The following LINGO2 variants were observed in gnomAD, a reference collection of about 807,000 sequenced individuals.
LINGO2 encodes the protein leucine rich repeat and Ig domain containing 2.
LINGO2 carries 14 observed loss-of-function variants against 30.6 expected under a neutral mutation model. The ratio of observed to expected loss-of-function variants is 0.46; its 90% CI spans 0.30 to 0.72. The LOEUF (loss-of-function observed/expected upper bound fraction) is 0.72, where lower values mean the gene tolerates loss of function less well. Among genes scored for constraint, LINGO2 ranks in the 30% least tolerant of loss-of-function variants. The pLI is 0.07. For synonymous variants in LINGO2, 317 were observed against 288.5 expected (o/e 1.10, Z -1.00); for missense variants, 729 against 751.7 (o/e 0.97, Z 0.35).
chr9:27,984,542 G>A (rs1344450959), intron 5 of LINGO2, among the ~76,000 whole-genome samples: 1 of 151,804 alleles, frequency 6.6e-6, no homozygotes, highest in Non-Finnish European at 1.5e-5. Flanking sequence ...CTGGGCTCTG[G>A]ATTGTGGTCT....
At chr9:28,404,034 C>T (rs1004491258) in intron 2 of LINGO2, among the ~76,000 whole-genome samples, 1 of 152,024 alleles carries the variant, frequency 6.6e-6, no homozygotes, top group African/African-American at 2.4e-5. Flanking sequence ...CACAACCTGA[C>T]CCAATAAGCC....
intron 4 of LINGO2, among the ~76,000 whole-genome samples, chr9:28,017,842 T>C (rs1460994804): frequency 6.6e-6 from 1 of 152,034 alleles, no homozygotes; most frequent in Admixed American, 6.6e-5. Flanking sequence ...CTTCTCAGAA[T>C]TGGAAAAAAC....
At chr9:28,319,336 T>C (rs1172332327) in intron 3 of LINGO2, among the ~76,000 whole-genome samples, 18 of 152,334 alleles carry the variant, frequency 1.2e-4, no homozygotes, top group Non-Finnish European at 1.5e-5. Context: ...CTTTCATCTA[T>C]CTTTTTCTTT....
chr9:28,614,895 T>C (rs1012057654), intron 1 of LINGO2, among the ~76,000 whole-genome samples: 4 of 152,026 alleles, frequency 2.6e-5, no homozygotes, highest in Admixed American at 1.3e-4. Flanking sequence ...ACAAAAGAAA[T>C]AGGTTAATTT....
chr9:28,759,959 C>T, the LINGO2 span, among the ~76,000 whole-genome samples: 3 of 152,110 alleles, frequency 2.0e-5, no homozygotes, highest in South Asian at 4.1e-4. Context: ...CCTGATAGAT[C>T]CAAGACATTT....
chr9:28,013,037 T>G (rs776781074), intron 4 of LINGO2, among the ~76,000 whole-genome samples: 2 of 152,008 alleles, frequency 1.3e-5, no homozygotes, highest in Non-Finnish European at 2.9e-5. Context: ...ATGTTGTTGG[T>G]CTAGGGTTAG....
chr9:28,964,716 A>G, the LINGO2 span, among the ~76,000 whole-genome samples: 1 of 152,002 alleles, frequency 6.6e-6, no homozygotes, highest in African/African-American at 2.4e-5. Context: ...GCTATTGTCA[A>G]TGAGGGTGAA....
chr9:28,910,450 T>C, the LINGO2 span, among the ~76,000 whole-genome samples: 1 of 152,080 alleles, frequency 6.6e-6, no homozygotes. Flanking sequence ...GCATACACTC[T>C]GATAATGTTT....
intron 5 of LINGO2, among the ~76,000 whole-genome samples, chr9:27,989,331 C>A (rs959194482): frequency 6.6e-6 from 1 of 151,900 alleles, no homozygotes; most frequent in Non-Finnish European, 1.5e-5. Flanking sequence ...AGTTTCCCAA[C>A]AAAATATAAG....
intron 2 of LINGO2, among the ~76,000 whole-genome samples, chr9:28,460,564 G>T (rs1371312652): frequency 2.0e-5 from 3 of 152,070 alleles, no homozygotes; most frequent in Non-Finnish European, 2.9e-5. Flanking sequence ...GAAAGCAAAA[G>T]AAATAACTTC....
At chr9:28,724,552 GA>G in the LINGO2 span, among the ~76,000 whole-genome samples, 4 of 152,090 alleles carry the variant, frequency 2.6e-5, no homozygotes, top group Non-Finnish European at 5.9e-5. Flanking sequence ...CTTCTGGATG[GA>G]GCTTTCAGAT....
At chr9:28,836,026 T>C in the LINGO2 span, among the ~76,000 whole-genome samples, 1 of 152,168 alleles carries the variant, frequency 6.6e-6, no homozygotes, top group South Asian at 2.1e-4. Context: ...GAATAAATAA[T>C]TGAGTGAGCA....
chr9:28,343,100 T>C (rs1368790875), intron 3 of LINGO2, among the ~76,000 whole-genome samples: 1 of 152,140 alleles, frequency 6.6e-6, no homozygotes, highest in East Asian at 1.9e-4. Context: ...TTTCATAGTA[T>C]TTCACACTGA....
intron 4 of LINGO2, among the ~76,000 whole-genome samples, chr9:28,180,608 T>C (rs1373045460): frequency 6.6e-6 from 1 of 152,170 alleles, no homozygotes; most frequent in Non-Finnish European, 1.5e-5. Flanking sequence ...CAGGGATGAA[T>C]GACTGCTAAC....
chr9:28,244,082 C>G (rs1230813284), intron 4 of LINGO2, among the ~76,000 whole-genome samples: 1 of 147,998 alleles, frequency 6.8e-6, no homozygotes, highest in East Asian at 2.0e-4. Flanking sequence ...GGAAGTAAAA[C>G]ACTCCTCAGC....
At chr9:28,066,741 C>A (rs980458122) in intron 4 of LINGO2, among the ~76,000 whole-genome samples, 3 of 151,994 alleles carry the variant, frequency 2.0e-5, no homozygotes, top group African/African-American at 7.2e-5. Context: ...TTAAGAAACC[C>A]TTCTGGTCTC....
At chr9:28,546,555 T>C (rs2135483343) in intron 1 of LINGO2, among the ~76,000 whole-genome samples, 1 of 152,218 alleles carries the variant, frequency 6.6e-6, no homozygotes, top group African/African-American at 2.4e-5. Context: ...TGATCTATTA[T>C]TAGACAAGCT....
At chr9:29,117,078 C>T in the LINGO2 span, among the ~76,000 whole-genome samples, 1 of 152,124 alleles carries the variant, frequency 6.6e-6, no homozygotes, top group South Asian at 2.1e-4. Flanking sequence ...TTATGTAACA[C>T]AATTACATAA....
intron 5 of LINGO2, among the ~76,000 whole-genome samples, chr9:27,997,786 G>C (rs971324284): frequency 7.9e-5 from 12 of 152,062 alleles, no homozygotes; most frequent in Admixed American, 7.9e-4. Context: ...TAAATGGGTC[G>C]AAAGCAAGTT....
Sources: gnomAD v4.1 joint callset for allele counts (sites outside exome capture counted in the v4.1 genomes callset) on GRCh38, gnomAD v4.1.1 for gene constraint, MANE v1.5 for transcripts, NCBI Gene and HGNC (gene_info 2026-07-23, HGNC 2026-07-21) for gene names.